The following COL14A1 variants were observed in gnomAD, a reference collection of about 807,000 sequenced individuals.
COL14A1 encodes the protein collagen type XIV alpha 1 chain.
Under a neutral mutation model 230.3 loss-of-function variants are expected in COL14A1, and 136 were observed. The observed-to-expected ratio is 0.59, with a 90% CI of 0.51 to 0.68. The LOEUF is 0.68. COL14A1 is among the 30% of genes least tolerant of loss of function. COL14A1 has a pLI of 0.00. For missense variants in COL14A1, 1,976 were observed against 2,215.8 expected, an observed-to-expected ratio of 0.89 and a Z score of 2.17; for synonymous variants, 792 against 784.1, an observed-to-expected ratio of 1.01 and a Z score of -0.17.
intron 21 of COL14A1, among the ~76,000 whole-genome samples, chr8:120,249,582 T>G (rs1818875973): frequency 6.6e-6 from 1 of 152,196 alleles, no homozygotes; most frequent in Non-Finnish European, 1.5e-5. Context: ...AGGCCAGCGG[T>G]TCTCAGTTGA....
chr8:120,359,045 T>C (rs1823089669), intron 45 of COL14A1, among the ~76,000 whole-genome samples: 1 of 152,070 alleles, frequency 6.6e-6, no homozygotes, highest in Admixed American at 6.6e-5. Flanking sequence ...TGAGTATCCT[T>C]GATTTTGGAT....
At chr8:120,249,472 G>A (rs886302204) in intron 21 of COL14A1, among the ~76,000 whole-genome samples, 2 of 152,120 alleles carry the variant, frequency 1.3e-5, no homozygotes, top group African/African-American at 4.8e-5. Context: ...GCTTTAGGCC[G>A]GAAGCATGCG....
chr8:120,307,111 C>T (rs1202487849), intron 36 of COL14A1, among the ~76,000 whole-genome samples: 1 of 152,182 alleles, frequency 6.6e-6, no homozygotes, highest in African/African-American at 2.4e-5. Flanking sequence ...GCTCTAGCTT[C>T]CCATGTTGCT....
At chr8:120,354,256 G>T (rs1329730428) in intron 45 of COL14A1, among the ~76,000 whole-genome samples, 1 of 99,734 alleles carries the variant, frequency 1.0e-5, no homozygotes, top group South Asian at 4.6e-4. Flanking sequence ...TGGGGGGAGG[G>T]GGGAGGGATA....
chr8:120,359,277 C>T (rs376977600), intron 45 of COL14A1, among the ~76,000 whole-genome samples: 9 of 150,684 alleles, frequency 6.0e-5, no homozygotes, highest in African/African-American at 2.2e-4. Flanking sequence ...CTCCGTGTTT[C>T]CATGTGTTCT....
At chr8:120,301,520 C>T (rs1563726459) in intron 36 of COL14A1, among the ~76,000 whole-genome samples, 1 of 152,126 alleles carries the variant, frequency 6.6e-6, no homozygotes, top group Non-Finnish European at 1.5e-5. Flanking sequence ...CATGTTCCCA[C>T]AAAAGACATG....
At position 120,318,743 on chromosome 8, in the gene COL14A1, G is replaced by GA. The variant is rs543283676; in HGVS notation, c.4659+2753dup. Among the ~76,000 whole-genome samples the GA allele has an allele frequency of 2.0e-3, 303 of 152,026 alleles. 1 individual carries two copies. Among genetic ancestry groups the GA allele is most frequent in the Non-Finnish European group, 3.4e-3 (230 of 67,966 alleles). ...CTAAAAGGCAAAGCTGCATTTGGGGGAAAAAAATAATTACAACAACAATAA... is the reference window on the plus strand; with the variant it reads ...CTAAAAGGCAAAGCTGCATTTGGGGGAAAAAAAATAATTACAACAACAATAA... On this transcript the variant is annotated intron_variant, in intron 40 of 47. Transcript: ENST00000297848.
intron 5 of COL14A1, among the ~76,000 whole-genome samples, chr8:120,187,461 A>G (rs552415801): frequency 2.0e-5 from 3 of 152,352 alleles, no homozygotes; most frequent in South Asian, 4.1e-4. Flanking sequence ...TTGAACTGCC[A>G]GAAGTTGGGA....
chr8:120,229,366 G>A (rs1165433167), intron 18 of COL14A1, among the ~76,000 whole-genome samples: 1 of 149,106 alleles, frequency 6.7e-6, no homozygotes, highest in African/African-American at 2.5e-5. Context: ...GTGGTGTTTG[G>A]TTTTTTGTCC....
chr8:120,294,141 A>G (rs1195174255), intron 34 of COL14A1, among the ~76,000 whole-genome samples: 1 of 150,968 alleles, frequency 6.6e-6, no homozygotes, highest in Non-Finnish European at 1.5e-5. Flanking sequence ...CAAATTATAA[A>G]TTTAGTTAAA....
rs377109290 is a variant in COL14A1 at position 120,315,524 on chromosome 8, G to T, written c.4552-9G>T. On this transcript the variant is annotated splice_polypyrimidine_tract_variant and intron_variant, in intron 38 of 47. Coordinates refer to ENST00000297848, the MANE Select transcript of COL14A1 (RefSeq NM_021110.4). ...GTGAACTTAACTCTGTATACTTTTGGATATTCAGGGAATGCCAGGAGAAAA... is the reference window on the plus strand; with the variant it reads ...GTGAACTTAACTCTGTATACTTTTGTATATTCAGGGAATGCCAGGAGAAAA... The T allele has an allele frequency of 5.6e-6, 9 of 1,610,574 alleles. No homozygotes were observed. The highest frequency in any genetic ancestry group is 1.3e-5 in the African/African-American group (1 of 74,830).
At chr8:120,131,122 A>G (rs532668076) in intron 1 of COL14A1, among the ~76,000 whole-genome samples, 2 of 152,300 alleles carry the variant, frequency 1.3e-5, no homozygotes, top group South Asian at 2.1e-4. Flanking sequence ...TCCACCATTG[A>G]TGAGCATCTA....
chr8:120,224,610 T>C (rs1465169908), intron 14 of COL14A1, among the ~76,000 whole-genome samples: 1 of 152,242 alleles, frequency 6.6e-6, no homozygotes, highest in African/African-American at 2.4e-5. Context: ...TCACCAAATA[T>C]GTCTTTCTGT....
intron 5 of COL14A1, among the ~76,000 whole-genome samples, chr8:120,173,553 T>C (rs1203414818): frequency 1.2e-5 from 1 of 83,400 alleles, no homozygotes; most frequent in Non-Finnish European, 2.8e-5. Context: ...TCTTGCTCTC[T>C]AGCAATCAAT....
chr8:120,338,791 A>AT (rs1200940816), intron 42 of COL14A1, among the ~76,000 whole-genome samples: 1 of 152,076 alleles, frequency 6.6e-6, no homozygotes, highest in Non-Finnish European at 1.5e-5. Context: ...TTATTTGCTG[A>AT]TTTTTTTGTT....
chr8:120,128,417 T>A (rs1814424978), intron 1 of COL14A1, among the ~76,000 whole-genome samples: 1 of 152,120 alleles, frequency 6.6e-6, no homozygotes, highest in East Asian at 1.9e-4. Context: ...TTGTATGGGA[T>A]CACAAAGACA....
rs1001672898 is a variant in COL14A1, at chr8:120,259,689, G to A, written c.2870-3179G>A. Among the ~76,000 whole-genome samples the A allele has an allele frequency of 2.0e-5, 3 of 152,044 alleles. No homozygotes were observed. The East Asian group carries it at 5.8e-4, about 29-fold the overall frequency. ...ATCTACTTATATTCTGTTTTCAAGGGTCTTTAAAGTCCATGGGTTTCTACA... is the reference window on the plus strand; with the variant it reads ...ATCTACTTATATTCTGTTTTCAAGGATCTTTAAAGTCCATGGGTTTCTACA... On this transcript the variant is annotated intron_variant, in intron 23 of 47. Transcript: ENST00000297848.
At chr8:120,290,524 C>T (rs1820342065) in intron 34 of COL14A1, among the ~76,000 whole-genome samples, 1 of 151,968 alleles carries the variant, frequency 6.6e-6, no homozygotes, top group Admixed American at 6.6e-5. Context: ...CCCAACTGTT[C>T]TAATCTACAC....
At chr8:120,351,972 T>C (rs1485750130) in intron 45 of COL14A1, among the ~76,000 whole-genome samples, 2 of 88,022 alleles carry the variant, frequency 2.3e-5, no homozygotes, top group Non-Finnish European at 4.2e-5. Context: ...TGATGAACAT[T>C]GATGCAAAAA....
Sources: allele counts gnomAD v4.1 joint callset (sites outside exome capture counted in the v4.1 genomes callset), GRCh38; gene constraint gnomAD v4.1.1; transcripts MANE v1.5; gene names NCBI Gene and HGNC (gene_info 2026-07-23, HGNC 2026-07-21).